The following ELF2 variants were observed in gnomAD, a reference collection of about 807,000 sequenced individuals.
ELF2 encodes the protein ETS-related transcription factor Elf-2.
ELF2 carries 11 observed loss-of-function variants against 54.8 expected under a neutral mutation model. That is an observed-to-expected ratio of 0.20 (90% CI 0.13 to 0.33). ELF2 has a LOEUF of 0.33. Among genes scored for constraint, ELF2 ranks in the 10% least tolerant of loss-of-function variants. The pLI is 1.00. For synonymous variants in ELF2, 203 were observed against 245.1 expected, an observed-to-expected ratio of 0.83 and a Z score of 1.61; for missense variants, 513 against 703.0, an observed-to-expected ratio of 0.73 and a Z score of 3.06.
At chr4:139,134,622 A>T (rs12331431) in intron 3 of ELF2, among the ~76,000 whole-genome samples, 11 of 113,104 alleles carry the variant, frequency 9.7e-5, no homozygotes, top group African/African-American at 4.0e-4. Context: ...TATTTTATTT[A>T]TTTTATTTTA....
intron 1 of ELF2, among the ~76,000 whole-genome samples, chr4:139,145,588 G>GA (rs1452707810): frequency 6.6e-6 from 1 of 152,100 alleles, no homozygotes; most frequent in Non-Finnish European, 1.5e-5. Flanking sequence ...GTAACAAAAA[G>GA]AAAGAAAACT....
At chr4:139,128,408 C>T (rs1264075001) in intron 3 of ELF2, among the ~76,000 whole-genome samples, 3 of 152,086 alleles carry the variant, frequency 2.0e-5, no homozygotes, top group Non-Finnish European at 4.4e-5. Flanking sequence ...TCGATCGAGA[C>T]GTATACTTGT....
chr4:139,177,293 GCCGCCTCCACCAGGACACTGGAGT>G (rs1161888527), upstream of ELF2: 4 of 116,832 alleles, frequency 3.4e-5, no homozygotes, highest in Admixed American at 1.0e-4. Flanking sequence ...TCGGCCTCCT[GCCGCCTCCACCAGGACACTGGAGT>G]CCGCCTCCCC....
At chr4:139,072,802 C>CT (rs1729707492) in intron 5 of ELF2, among the ~76,000 whole-genome samples, 1 of 152,298 alleles carries the variant, frequency 6.6e-6, no homozygotes, top group South Asian at 2.1e-4. Flanking sequence ...TCTCATATCT[C>CT]TGAGTAATAC....
At chr4:139,107,537 A>G (rs768657744) in intron 4 of ELF2, among the ~76,000 whole-genome samples, 51 of 152,246 alleles carry the variant, frequency 3.3e-4, no homozygotes, top group Admixed American at 8.5e-4. Flanking sequence ...CAAAAAAATC[A>G]AACTAAAACA....
intron 1 of ELF2, among the ~76,000 whole-genome samples, chr4:139,152,259 T>C (rs1418069964): frequency 6.6e-6 from 1 of 152,130 alleles, no homozygotes; most frequent in Non-Finnish European, 1.5e-5. Context: ...AAAATTAGAA[T>C]TAAGGAGACA....
intron 1 of ELF2, among the ~76,000 whole-genome samples, chr4:139,158,783 G>C (rs1740802192): frequency 6.6e-6 from 1 of 152,196 alleles, no homozygotes; most frequent in East Asian, 1.9e-4. Flanking sequence ...GGGAGTCCAA[G>C]GGGGTTTAGC....
chr4:139,087,879 GTTGT>G (rs981803951), intron 4 of ELF2, among the ~76,000 whole-genome samples: 3 of 152,132 alleles, frequency 2.0e-5, no homozygotes, highest in South Asian at 2.1e-4. Context: ...AAGGGTTTGA[GTTGT>G]TTATTATCAT....
intron 4 of ELF2, among the ~76,000 whole-genome samples, chr4:139,082,935 G>C (rs1017016291): frequency 1.3e-5 from 2 of 152,200 alleles, no homozygotes; most frequent in African/African-American, 2.4e-5. Context: ...CGCTGCAGCA[G>C]TGGCGCCGCA....
At position 139,061,767 on chromosome 4, in the gene ELF2, A is replaced by C. The variant is rs1727894314; in HGVS notation, c.806+98T>G. On this transcript the variant is annotated intron_variant, in intron 8 of 9. Transcript: ENST00000686138. The stretch of plus-strand genomic sequence containing the variant: ...TCCTCTAGAATATCCCCCAAAGTTA[A>C]AAGTTGTAAAGGATTTTCAGCTTCT... 4.3e-6 allele frequency: 6 copies of C among 1,399,524 alleles called. No homozygotes were observed. The South Asian group carries it at 8.6e-5, about 20-fold the overall frequency. 86.7% of individuals were successfully genotyped at this position (1,399,524 alleles called of 1,614,324 possible). A position where few individuals can be genotyped will look rare whatever the true frequency, so the allele number is the denominator to read the frequency against.
intron 4 of ELF2, among the ~76,000 whole-genome samples, chr4:139,092,788 G>C (rs1732814528): frequency 6.6e-6 from 1 of 151,760 alleles, no homozygotes; most frequent in Admixed American, 6.6e-5. Context: ...GCGACAGAGA[G>C]ACTCCGTCTC....
At chr4:139,093,579 G>C (rs533050854) in intron 4 of ELF2, among the ~76,000 whole-genome samples, 2 of 152,232 alleles carry the variant, frequency 1.3e-5, no homozygotes, top group South Asian at 4.1e-4. Context: ...GAAGCAAAAT[G>C]ATGAGTAACA....
chr4:139,167,884 A>C (rs1741882652), intron 1 of ELF2, among the ~76,000 whole-genome samples: 1 of 152,196 alleles, frequency 6.6e-6, no homozygotes, highest in African/African-American at 2.4e-5. Flanking sequence ...AGATAATTGA[A>C]CAAGGGGAGA....
At chr4:139,115,342 C>A in intron 4 of ELF2, 35 of 1,356,584 alleles carry the variant, frequency 2.6e-5, no homozygotes, top group Non-Finnish European at 3.3e-5. Context: ...GGGTCGCCAA[C>A]GCCGCGCCCC....
chr4:139,089,054 G>A (rs1021566158), intron 4 of ELF2, among the ~76,000 whole-genome samples: 1 of 152,192 alleles, frequency 6.6e-6, no homozygotes, highest in Non-Finnish European at 1.5e-5. Context: ...GCCGTGCCTG[G>A]CCAAGGACTT....
chr4:139,167,376 G>C (rs1394391540), intron 1 of ELF2, among the ~76,000 whole-genome samples: 1 of 152,160 alleles, frequency 6.6e-6, no homozygotes, highest in Non-Finnish European at 1.5e-5. Flanking sequence ...CCTTGGTTTG[G>C]CTTCCTAGTC....
At chr4:139,108,238 T>C (rs745460406) in intron 4 of ELF2, among the ~76,000 whole-genome samples, 1 of 152,194 alleles carries the variant, frequency 6.6e-6, no homozygotes, top group African/African-American at 2.4e-5. Context: ...TACCTTATTA[T>C]TAGTTTTCAG....
intron 4 of ELF2, among the ~76,000 whole-genome samples, chr4:139,074,529 A>G (rs983048905): frequency 1.7e-4 from 26 of 151,990 alleles, no homozygotes; most frequent in African/African-American, 6.3e-4. Context: ...TGAGAGGCCA[A>G]GGCGTGCGGA....
At chr4:139,081,365 T>A (rs1268106426) in intron 4 of ELF2, among the ~76,000 whole-genome samples, 1 of 152,158 alleles carries the variant, frequency 6.6e-6, no homozygotes, top group Non-Finnish European at 1.5e-5. Flanking sequence ...GAGCTTAACA[T>A]GTACCTTAAC....
Sources: allele counts gnomAD v4.1 joint callset (sites outside exome capture counted in the v4.1 genomes callset), GRCh38; gene constraint gnomAD v4.1.1; transcripts MANE v1.5; gene names NCBI Gene and HGNC (gene_info 2026-07-23, HGNC 2026-07-21).